PGBD1: variants seen among roughly 807,000 people sequenced by gnomAD.
PGBD1 encodes the protein piggyBac transposable element-derived protein 1.
In PGBD1, 25 loss-of-function variants were observed where a neutral mutation model predicts 34.7. The observed-to-expected ratio is 0.72, with a 90% CI of 0.52 to 1.00. The LOEUF is 1.00. Among genes scored for constraint, PGBD1 ranks in the 50% least tolerant of loss-of-function variants. The pLI, the probability that PGBD1 is intolerant of heterozygous loss-of-function variation, is 0.00. For missense variants in PGBD1, 830 were observed against 959.4 expected, an observed-to-expected ratio of 0.87 and a Z score of 1.78; for synonymous variants, 292 against 335.7, an observed-to-expected ratio of 0.87 and a Z score of 1.42.
chr6:28,300,992 T>G lies in PGBD1; in HGVS notation c.1138T>G (p.Leu380Val), dbSNP rs1306410244. The G allele has an allele frequency of 6.2e-7, 1 of 1,613,914 alleles. No individual in the cohort carries two copies. The highest frequency in any genetic ancestry group is 8.5e-7 in the Non-Finnish European group (1 of 1,179,996). ...EPEIQPAQKK[L>V]KVSCFPEKSW... ...TGAGATCCAGCCTGCTCAAAAGAAG[T>G]TAAAGGTATCATGTTTCCCAGAAAA... The change falls in exon 7 of 7, where the codon TTA becomes GTA. Residue 380 changes from leucine (L) to valine (V), a missense_variant. Coordinates refer to ENST00000682144, the MANE Select transcript of PGBD1 (RefSeq NM_032507.4). The surrounding 1 kb of genome is among the most constrained non-coding windows in gnomAD (Gnocchi z 4.0).
chr6:28,288,799 C>A (rs1010693033), intron 4 of PGBD1, among the ~76,000 whole-genome samples: 7 of 151,950 alleles, frequency 4.6e-5, no homozygotes, highest in Non-Finnish European at 1.0e-4. Flanking sequence ...ACCAGCCTGG[C>A]CTACCTGGCA....
In PGBD1 at chr6:28,300,872, C is replaced by G. The variant is rs778004869; in HGVS notation, c.1018C>G (p.Arg340Gly). ...GGAATATGCTGCAGGAGACATTACC[C>G]GAAAAGGGAGAAAAAAAGACAAAGC... ...SLEYAAGDIT[R>G]KGRKKDKARV... Residue 340 changes from arginine to glycine, a missense_variant, in exon 7 of 7, where the codon CGA becomes GGA. Transcript: ENST00000682144. This position sits in a 1 kb window ranked among gnomAD's most constrained non-coding sequence, Gnocchi z 4.0. 2 of 1,613,860 alleles carry G rather than the reference C, an allele frequency of 1.2e-6. No individual in the cohort carries two copies. The highest frequency in any genetic ancestry group is 2.2e-5 in the East Asian group (1 of 44,874).
In PGBD1 at chr6:28,301,102, G is replaced by A. The variant is rs747640242; in HGVS notation, c.1248G>A (p.Lys416=). 6.2e-7 allele frequency: 1 copy of A among 1,614,158 alleles called. No homozygotes were observed. The highest frequency in any genetic ancestry group is 8.5e-7 in the Non-Finnish European group (1 of 1,180,032). Residue 416 remains lysine (K), a synonymous_variant, in exon 7 of 7, where the codon AAG becomes AAA. Transcript: ENST00000682144. ...DSGLLNLKSE[K]LNPVELFELF... is the part of the protein sequence containing the mutation. Reference sequence around the variant, plus strand: ...GACTTTTGAATCTCAAGAGCGAAAAGTTGAACCCAGTAGAGCTTTTTGAAT... The same window carrying A: ...GACTTTTGAATCTCAAGAGCGAAAAATTGAACCCAGTAGAGCTTTTTGAAT...
At chr6:28,296,638 G>T (rs754961542) in intron 4 of PGBD1, among the ~76,000 whole-genome samples, 178 bp from the exon 5 acceptor site, 1 of 152,150 alleles carries the variant, frequency 6.6e-6, no homozygotes, top group Non-Finnish European at 1.5e-5. Flanking sequence ...CCTCTGAATG[G>T]CATCGGCTTG....
chr6:28,294,404 T>G (rs1762566417), intron 4 of PGBD1, among the ~76,000 whole-genome samples: 1 of 152,188 alleles, frequency 6.6e-6, no homozygotes, highest in South Asian at 2.1e-4. Flanking sequence ...GTGGCTACAC[T>G]AAACAACAGA....
rs576383391 is a variant in PGBD1 at position 28,300,630 on chromosome 6, C to T, written c.870-94C>T. On this transcript the variant is annotated intron_variant, in intron 6 of 6. Transcript: ENST00000682144. The surrounding 1 kb of genome is among the most constrained non-coding windows in gnomAD (Gnocchi z 4.0). ...AAGTAAGTATCCCCCCACACCCACC[C>T]CAAGCCCCAAAAGATTTAAGCTTCA... 1.4e-6 allele frequency: 2 copies of T among 1,436,472 alleles called. No homozygotes were observed. Among genetic ancestry groups the T allele is most frequent in the African/African-American group, 2.9e-5 (2 of 69,482 alleles). 89.0% of individuals were successfully genotyped at this position (1,436,472 alleles called of 1,614,324 possible).
At chr6:28,292,058 T>C (rs941097588) in intron 4 of PGBD1, among the ~76,000 whole-genome samples, 1 of 152,130 alleles carries the variant, frequency 6.6e-6, no homozygotes, top group Non-Finnish European at 1.5e-5. Context: ...TTGTTCAACA[T>C]AATACCCGAA....
chr6:28,285,780 A>C, intron 3 of PGBD1, 73 bp downstream of exon 3: 20 of 1,450,816 alleles, frequency 1.4e-5, no homozygotes, highest in Non-Finnish European at 1.5e-5. Context: ...TCTTGACCTC[A>C]AGTTTGTATA....
At chr6:28,285,891 G>A (rs913491506) in intron 3 of PGBD1, among the ~76,000 whole-genome samples, 184 bp downstream of exon 3, 6 of 152,188 alleles carry the variant, frequency 3.9e-5, no homozygotes, top group African/African-American at 2.4e-5. Context: ...GAAATTTCAA[G>A]TATACAATAT....
intron 6 of PGBD1, among the ~76,000 whole-genome samples, chr6:28,299,236 A>G (rs910813508): frequency 4.0e-5 from 6 of 151,776 alleles, no homozygotes; most frequent in African/African-American, 1.2e-4. Context: ...AGATATTCAT[A>G]TAACAAAAAG....
intron 5 of PGBD1, 68 bp from the exon 6 acceptor site, chr6:28,297,827 T>C: frequency 4.3e-6 from 1 of 233,464 alleles, no homozygotes; most frequent in Non-Finnish European, 7.6e-6. Flanking sequence ...TTTTTTTTTT[T>C]TTTTTTTTTT....
Position 28,285,760 on chromosome 6 carries a change from T to TG in PGBD1, c.553+54dup. ...ACGCTGGGAGCTGGCCACTGACACT[T>TG]GCACAGCCTTCTTGACCTCAAGTTT... On this transcript the variant is annotated intron_variant, in intron 3 of 6. Coordinates refer to ENST00000682144, the MANE Select transcript of PGBD1 (RefSeq NM_032507.4). 1.9e-6 allele frequency: 3 copies of TG among 1,561,378 alleles called. No individual in the cohort carries two copies. The East Asian group carries it at 6.8e-5, about 35-fold the overall frequency.
chr6:28,301,573 T>C lies in PGBD1; in HGVS notation c.1719T>C (p.Gly573=). ...GAATTGGCTATAAAATTTGGTGTGG[T>C]ACAACCACACAGGGTTATCTGGTTT... ...PIRIGYKIWC[G]TTTQGYLVWF... Residue 573 remains glycine (G), a synonymous_variant, in exon 7 of 7, where the codon GGT becomes GGC. Coordinates refer to ENST00000682144, the MANE Select transcript of PGBD1 (RefSeq NM_032507.4). 6.2e-7 allele frequency: 1 copy of C among 1,614,174 alleles called. No homozygotes were observed.
At position 28,301,541 on chromosome 6, in the gene PGBD1, C is replaced by G; in HGVS notation, c.1687C>G (p.Pro563Ala). The G allele has an allele frequency of 6.2e-7, 1 of 1,614,076 alleles. No homozygotes were observed. Among genetic ancestry groups the G allele is most frequent in the Non-Finnish European group, 8.5e-7 (1 of 1,180,016 alleles). Reference sequence around the variant, plus strand: ...TAGTGACCAATTCCTGAATGGAAAGCCTATTAGAATTGGCTATAAAATTTG... The same window carrying G: ...TAGTGACCAATTCCTGAATGGAAAGGCTATTAGAATTGGCTATAAAATTTG... ...FDSDQFLNGK[P>A]IRIGYKIWCG... The change falls in exon 7 of 7, where the codon CCT becomes GCT. Residue 563 changes from proline to alanine, a missense_variant. By Grantham distance (27) the Pro-to-Ala change is conservative. Transcript: ENST00000682144.
At chr6:28,289,601 A>G (rs1480990318) in intron 4 of PGBD1, among the ~76,000 whole-genome samples, 1 of 152,226 alleles carries the variant, frequency 6.6e-6, no homozygotes, top group East Asian at 1.9e-4. Context: ...AGACATACCT[A>G]TCAAAAACAA....
intron 6 of PGBD1, among the ~76,000 whole-genome samples, chr6:28,298,265 T>G (rs1398288754): frequency 2.0e-5 from 3 of 152,072 alleles, no homozygotes; most frequent in Non-Finnish European, 4.4e-5. Context: ...TTCCCTGGGC[T>G]CCCTTACATT....
In PGBD1 at chr6:28,292,321, G is replaced by A. The variant is rs904242534; in HGVS notation, c.643-4495G>A. 5.3e-5 allele frequency among the ~76,000 whole-genome samples: 8 copies of A among 151,878 alleles called. No individual in the cohort carries two copies. The East Asian group carries it at 7.7e-4, about 15-fold the overall frequency. ...TGAGATAGAAATCAAGAAAATGATC[G>A]CATTTACAAAAGCTACAAAAAATAT... On this transcript the variant is annotated intron_variant, in intron 4 of 6. Transcript: ENST00000682144.
chr6:28,284,803 G>A lies in PGBD1; in HGVS notation c.396+594G>A, dbSNP rs532214148. Among the ~76,000 whole-genome samples, 125 of 152,320 alleles carry A rather than the reference G, an allele frequency of 8.2e-4. 4 individuals are homozygous for A. The South Asian group carries it at 0.025, about 30-fold the overall frequency. On this transcript the variant is annotated intron_variant, in intron 2 of 6. Transcript: ENST00000682144. Reference sequence around the variant, plus strand: ...CCCAAAGTGTTGGGATTACAGGCATGAGCCACTGCACCTGGCTATTCGGTG... The same window carrying A: ...CCCAAAGTGTTGGGATTACAGGCATAAGCCACTGCACCTGGCTATTCGGTG...
At chr6:28,286,950 T>A in intron 3 of PGBD1, 130 bp from the exon 4 acceptor site, 1 of 710,082 alleles carries the variant, frequency 1.4e-6, no homozygotes. Context: ...TTTCTCACAC[T>A]GTAAAATCTA....
Sources: allele counts gnomAD v4.1 joint callset (sites outside exome capture counted in the v4.1 genomes callset), GRCh38; gene constraint gnomAD v4.1.1; non-coding constraint Gnocchi (gnomAD v3.1); transcripts MANE v1.5; gene names NCBI Gene and HGNC (gene_info 2026-07-23, HGNC 2026-07-21).